APBB1IP: variants seen among roughly 807,000 people sequenced by gnomAD.
APBB1IP encodes amyloid beta precursor protein binding family B member 1 interacting protein.
Under a neutral mutation model 64.9 loss-of-function variants are expected in APBB1IP, and 27 were observed. That is an observed-to-expected ratio of 0.42 (90% CI 0.31 to 0.57). The LOEUF is 0.57. APBB1IP is among the 20% of genes least tolerant of loss of function. The pLI, the probability that APBB1IP is intolerant of heterozygous loss-of-function variation, is 0.20. For missense variants in APBB1IP, 812 were observed against 845.5 expected (o/e 0.96, Z 0.49); for synonymous variants, 392 against 331.0 (o/e 1.18, Z -2.00).
chr10:26,442,483 G>T (rs761435859), intron 2 of APBB1IP, among the ~76,000 whole-genome samples: 1 of 152,166 alleles, frequency 6.6e-6, no homozygotes, highest in Non-Finnish European at 1.5e-5. Flanking sequence ...TGAGATGGTT[G>T]TGGGCTGGGA....
chr10:26,550,959 G>T (rs1429063367), intron 11 of APBB1IP, among the ~76,000 whole-genome samples: 1 of 152,160 alleles, frequency 6.6e-6, no homozygotes, highest in South Asian at 2.1e-4. Context: ...GGTTAGACCC[G>T]AATCCTACAC....
intron 10 of APBB1IP, among the ~76,000 whole-genome samples, chr10:26,536,942 T>G (rs1048178021): frequency 1.1e-4 from 17 of 152,122 alleles, no homozygotes; most frequent in African/African-American, 4.1e-4. Context: ...ATTTTAGCCC[T>G]TAGACTCTGA....
At chr10:26,526,192 A>C (rs891284070) in intron 8 of APBB1IP, among the ~76,000 whole-genome samples, 1 of 152,180 alleles carries the variant, frequency 6.6e-6, no homozygotes, top group South Asian at 2.1e-4. Context: ...TCTGGTATTA[A>C]CGTAAGCCAT....
chr10:26,548,203 A>G (rs1338796336), intron 11 of APBB1IP, among the ~76,000 whole-genome samples: 1 of 152,054 alleles, frequency 6.6e-6, no homozygotes, highest in Non-Finnish European at 1.5e-5. Flanking sequence ...TTTTATTATT[A>G]TACTTCAAGT....
intron 2 of APBB1IP, among the ~76,000 whole-genome samples, chr10:26,471,964 T>TGA (rs1191798415): frequency 2.0e-5 from 3 of 152,196 alleles, no homozygotes; most frequent in Non-Finnish European, 2.9e-5. Flanking sequence ...ATTACAGGCG[T>TGA]GAGCCACTGT....
At chr10:26,565,567 A>G (rs75814586) in intron 14 of APBB1IP, among the ~76,000 whole-genome samples, 297 of 152,366 alleles carry the variant, frequency 1.9e-3, no homozygotes, top group East Asian at 0.011. Context: ...CTCATTGAAC[A>G]TAGCCAGATC....
intron 6 of APBB1IP, among the ~76,000 whole-genome samples, chr10:26,509,399 G>A (rs1836224753): frequency 6.6e-6 from 1 of 152,194 alleles, no homozygotes; most frequent in East Asian, 1.9e-4. Context: ...TTTGATCTTG[G>A]GGGTGTTTGT....
At chr10:26,498,433 C>T (rs1466894148) in intron 4 of APBB1IP, among the ~76,000 whole-genome samples, 1 of 152,056 alleles carries the variant, frequency 6.6e-6, no homozygotes, top group Non-Finnish European at 1.5e-5. Context: ...CACTGGAAAC[C>T]AGAAGGCGGA....
chr10:26,463,887 G>A (rs1039994701), intron 2 of APBB1IP, among the ~76,000 whole-genome samples: 1 of 151,974 alleles, frequency 6.6e-6, no homozygotes, highest in Non-Finnish European at 1.5e-5. Context: ...AATGTTCCCC[G>A]CCACTTGCCC....
chr10:26,449,820 G>A (rs910329569), intron 2 of APBB1IP, among the ~76,000 whole-genome samples: 7 of 152,042 alleles, frequency 4.6e-5, no homozygotes, highest in African/African-American at 1.7e-4. Flanking sequence ...GACCAGCTTG[G>A]GCAATACAAT....
intron 6 of APBB1IP, among the ~76,000 whole-genome samples, chr10:26,505,827 T>C (rs893720235): frequency 2.0e-5 from 3 of 152,148 alleles, no homozygotes; most frequent in African/African-American, 7.2e-5. Context: ...ACTCTTCTCT[T>C]GGGCTGCAGT....
intron 3 of APBB1IP, among the ~76,000 whole-genome samples, chr10:26,495,438 T>G (rs957687438): frequency 1.3e-5 from 2 of 151,722 alleles, no homozygotes; most frequent in Admixed American, 6.6e-5. Flanking sequence ...CTGGGATTTT[T>G]GCAGGACCAC....
intron 2 of APBB1IP, among the ~76,000 whole-genome samples, chr10:26,491,148 G>A (rs1028617683): frequency 2.0e-5 from 3 of 152,110 alleles, no homozygotes; most frequent in Non-Finnish European, 2.9e-5. Flanking sequence ...GCATGGTGGC[G>A]GGTGCCTGTC....
intron 11 of APBB1IP, among the ~76,000 whole-genome samples, chr10:26,547,418 G>T (rs1028888654): frequency 6.6e-6 from 1 of 151,554 alleles, no homozygotes; most frequent in Non-Finnish European, 1.5e-5. Context: ...TCTTTTTGTT[G>T]GTTTGTTTGT....
intron 8 of APBB1IP, among the ~76,000 whole-genome samples, chr10:26,528,618 C>T (rs1424021249): frequency 6.6e-6 from 1 of 152,158 alleles, no homozygotes; most frequent in African/African-American, 2.4e-5. Flanking sequence ...TTTATCTTCT[C>T]CATGTGATAG....
intron 11 of APBB1IP, among the ~76,000 whole-genome samples, chr10:26,545,782 C>A (rs80284704): frequency 0.33 from 18,412 of 55,634 alleles, 1,734 homozygotes; most frequent in East Asian, 0.5. Flanking sequence ...AACAAACAAA[C>A]AAAAAAAAAC....
At chr10:26,474,571 C>G (rs1164402464) in intron 2 of APBB1IP, among the ~76,000 whole-genome samples, 2 of 152,200 alleles carry the variant, frequency 1.3e-5, no homozygotes, top group African/African-American at 4.8e-5. Flanking sequence ...ACAATGTACA[C>G]ATACTTCAAA....
chr10:26,493,858 A>G (rs1282751584), intron 3 of APBB1IP, among the ~76,000 whole-genome samples: 1 of 152,152 alleles, frequency 6.6e-6, no homozygotes, highest in East Asian at 1.9e-4. Flanking sequence ...TTCTTGAGAG[A>G]CAGAGTCTCA....
chr10:26,481,652 T>A (rs1835835070), intron 2 of APBB1IP, among the ~76,000 whole-genome samples: 1 of 151,572 alleles, frequency 6.6e-6, no homozygotes, highest in South Asian at 2.1e-4. Flanking sequence ...GCCCAGCTAA[T>A]TTTTTTGGCA....
Sources: gnomAD v4.1 joint callset for allele counts (sites outside exome capture counted in the v4.1 genomes callset) on GRCh38, gnomAD v4.1.1 for gene constraint, MANE v1.5 for transcripts, NCBI Gene and HGNC (gene_info 2026-07-23, HGNC 2026-07-21) for gene names.